The following ANKRD26 variants were observed in gnomAD, a reference collection of about 807,000 sequenced individuals.
ANKRD26 encodes the protein ankyrin repeat domain 26.
Under a neutral mutation model 208.7 loss-of-function variants are expected in ANKRD26, and 141 were observed. The observed-to-expected ratio is 0.68, with a 90% CI of 0.59 to 0.78. The LOEUF (loss-of-function observed/expected upper bound fraction) is 0.78, where lower values mean the gene tolerates loss of function less well. Ranked by LOEUF, ANKRD26 falls within the 30% of genes least tolerant of loss-of-function variation. The probability of loss-of-function intolerance (pLI) is 0.00; values close to 1 mark genes in which losing one functional copy is unlikely to be tolerated. For synonymous variants in ANKRD26, 636 were observed against 660.4 expected, an observed-to-expected ratio of 0.96 and a Z score of 0.57; for missense variants, 1,889 against 1,938.7, an observed-to-expected ratio of 0.97 and a Z score of 0.48.
intron 32 of ANKRD26, among the ~76,000 whole-genome samples, chr10:27,011,850 C>G (rs2053123936): frequency 6.6e-6 from 1 of 152,170 alleles, no homozygotes; most frequent in Admixed American, 6.5e-5. Flanking sequence ...ATCAATCATT[C>G]AAGTAATGGC....
downstream of ANKRD26, among the ~76,000 whole-genome samples, chr10:26,973,478 T>C (rs1219730134): frequency 2.0e-5 from 3 of 151,704 alleles, no homozygotes; most frequent in African/African-American, 7.3e-5. Flanking sequence ...ACTTTTAATC[T>C]TTCTGTTTTT....
At position 27,079,074 on chromosome 10, in the gene ANKRD26, G is replaced by A. The variant is rs1564420544; in HGVS notation, c.813+15C>T. The stretch of plus-strand genomic sequence containing the variant: ...TTCAGAGTAAGAAAATTAAGTTCAT[G>A]AGAGAGCACTTTACCTTAGTATCAA... On this transcript the variant is annotated intron_variant, in intron 7 of 33. Transcript: ENST00000376087. 1 of 1,602,978 alleles carries A rather than the reference G, an allele frequency of 6.2e-7. No individual in the cohort carries two copies. The highest frequency in any genetic ancestry group is 1.7e-5 in the Admixed American group (1 of 59,974).
chr10:27,055,927 T>C (rs972947638), intron 15 of ANKRD26, among the ~76,000 whole-genome samples: 3 of 152,192 alleles, frequency 2.0e-5, no homozygotes, highest in African/African-American at 7.2e-5. Context: ...TGTGCTTGAG[T>C]AGGCAATCTT....
At chr10:27,074,176 C>T (rs1325378631) in intron 9 of ANKRD26, among the ~76,000 whole-genome samples, 1 of 152,042 alleles carries the variant, frequency 6.6e-6, no homozygotes, top group Non-Finnish European at 1.5e-5. Context: ...GGATACAAAA[C>T]AAGATGAAAT....
chr10:27,075,560 T>A (rs1203064204), intron 9 of ANKRD26, among the ~76,000 whole-genome samples: 2 of 152,180 alleles, frequency 1.3e-5, no homozygotes, highest in East Asian at 3.8e-4. Context: ...CCTAAATATA[T>A]ACGCACCTAT....
chr10:27,038,324 T>C (rs939357920), intron 21 of ANKRD26, among the ~76,000 whole-genome samples: 2 of 152,186 alleles, frequency 1.3e-5, no homozygotes, highest in African/African-American at 4.8e-5. Flanking sequence ...AAAAAGATAT[T>C]GGAAATGATT....
chr10:27,099,239 C>T (rs1382689455), intron 1 of ANKRD26, among the ~76,000 whole-genome samples: 1 of 152,104 alleles, frequency 6.6e-6, no homozygotes, highest in Non-Finnish European at 1.5e-5. Flanking sequence ...TATCCGCTTG[C>T]CTTGGTCTCC....
chr10:27,013,400 C>T (rs777300094), intron 31 of ANKRD26, among the ~76,000 whole-genome samples: 4 of 152,140 alleles, frequency 2.6e-5, no homozygotes, highest in Admixed American at 6.5e-5. Flanking sequence ...TCACAGGTAA[C>T]ACCTGCTGCC....
At chr10:27,060,278 C>T (rs1290145126) in intron 15 of ANKRD26, 67 bp downstream of exon 15, 1 of 1,328,816 alleles carries the variant, frequency 7.5e-7, no homozygotes, top group Non-Finnish European at 1.1e-6. Context: ...AAACTGTGAG[C>T]ATTTCAAATA....
chr10:26,977,498 T>C (rs1045310916), intron 5 of ANKRD26, among the ~76,000 whole-genome samples: 3 of 152,224 alleles, frequency 2.0e-5, no homozygotes, highest in African/African-American at 7.2e-5. Context: ...CAGAGCATAA[T>C]GATATTTTGT....
intron 4 of ANKRD26, among the ~76,000 whole-genome samples, chr10:26,997,802 T>C (rs1423503047): frequency 6.6e-6 from 1 of 152,180 alleles, no homozygotes; most frequent in East Asian, 1.9e-4. Flanking sequence ...GCTTGTTTGC[T>C]TGATGCACTG....
intron 6 of ANKRD26, among the ~76,000 whole-genome samples, 171 bp from the exon 7 acceptor site, chr10:27,079,332 T>C (rs780191645): frequency 3.9e-5 from 6 of 152,230 alleles, no homozygotes; most frequent in Admixed American, 6.5e-5. Flanking sequence ...AATTTGATCT[T>C]GTTTTTGAAA....
intron 20 of ANKRD26, among the ~76,000 whole-genome samples, chr10:27,041,833 A>G (rs929472371): frequency 1.3e-5 from 2 of 152,198 alleles, no homozygotes; most frequent in African/African-American, 4.8e-5. Flanking sequence ...TCTAAACTTA[A>G]TAAAAACTAT....
Position 27,046,494 on chromosome 10 carries a change from A to C in ANKRD26, c.1844T>G (p.Val615Gly). The change falls in exon 18 of 34, where the codon GTA (valine) becomes GGA (glycine). Residue 615 changes from valine to glycine, a missense_variant. Val to Gly is a moderately radical substitution (Grantham distance 109, BLOSUM62 -3). This residue lies in a region of ANKRD26 where 1,272 missense variants were observed against 1,273.8 expected (regional missense o/e 1.00). Transcript: ENST00000376087. ...CCGTTTTTCTTTTTCAGTGCTCTTT[A>C]CTTCCTTCATTTGCAAGGCAGGACC... ...SSGPALQMKEVKSTEKEKRTS... is the reference protein window; with the variant it reads ...SSGPALQMKEGKSTEKEKRTS... 6.2e-7 allele frequency: 1 copy of C among 1,613,970 alleles called. No homozygotes were observed. The highest frequency in any genetic ancestry group is 8.5e-7 in the Non-Finnish European group (1 of 1,180,002).
the ANKRD26 span, among the ~76,000 whole-genome samples, chr10:26,948,963 C>T: frequency 9.9e-5 from 15 of 152,038 alleles, no homozygotes; most frequent in African/African-American, 3.6e-4. Context: ...CCATTGCACT[C>T]CAGCCTGGGC....
chr10:27,067,443 C>T (rs1564408228), intron 9 of ANKRD26, among the ~76,000 whole-genome samples, 157 bp from the exon 10 acceptor site: 2 of 151,564 alleles, frequency 1.3e-5, no homozygotes, highest in Non-Finnish European at 2.9e-5. Context: ...TAAAGAAACA[C>T]CTGACGGGGT....
intron 1 of ANKRD26, among the ~76,000 whole-genome samples, chr10:27,094,513 G>T (rs1589381582): frequency 6.6e-6 from 1 of 152,152 alleles, no homozygotes; most frequent in Non-Finnish European, 1.5e-5. Context: ...ATAAAATGGG[G>T]ATCAAAATAG....
intron 4 of ANKRD26, 148 bp from the exon 5 acceptor site, chr10:27,086,757 C>CA: frequency 8.2e-6 from 3 of 366,736 alleles, no homozygotes; most frequent in Non-Finnish European, 1.3e-5. Context: ...GTAAGCTCTA[C>CA]AAACTTTTTT....
Position 27,011,262 on chromosome 10 carries a change from T to C in ANKRD26, c.4953+1620A>G, listed in dbSNP as rs142002953. ...GTTCAAACAAATGTTTTATGCTTCT[T>C]GTAATTTTTTAAGAGACAGGGTCTT... On this transcript the variant is annotated intron_variant, in intron 32 of 33. Transcript: ENST00000376087. Among the ~76,000 whole-genome samples, 6 of 152,230 alleles carry C rather than the reference T, an allele frequency of 3.9e-5. No homozygotes were observed. The East Asian group carries it at 9.6e-4, about 24-fold the overall frequency.
Sources: allele counts gnomAD v4.1 joint callset (sites outside exome capture counted in the v4.1 genomes callset), GRCh38; gene constraint gnomAD v4.1.1; regional missense constraint gnomAD v4.1.1; transcripts MANE v1.5; gene names NCBI Gene and HGNC (gene_info 2026-07-23, HGNC 2026-07-21).